The following ATG10 variants were observed in gnomAD, a reference collection of about 807,000 sequenced individuals.
ATG10 encodes the protein ubiquitin-like-conjugating enzyme ATG10.
ATG10 carries 30 observed loss-of-function variants against 32.1 expected under a neutral mutation model. That is an observed-to-expected ratio of 0.94 (90% CI 0.70 to 1.27). The LOEUF (loss-of-function observed/expected upper bound fraction) is 1.27, where lower values mean the gene tolerates loss of function less well. Among genes scored for constraint, ATG10 ranks in the 50% most tolerant of loss-of-function variants. The pLI is 0.00. For missense variants in ATG10, 233 were observed against 262.3 expected (o/e 0.89, Z 0.77); for synonymous variants, 87 against 91.5 (o/e 0.95, Z 0.28).
intron 5 of ATG10, among the ~76,000 whole-genome samples, chr5:82,189,550 C>G (rs1183973769): frequency 1.3e-5 from 2 of 152,182 alleles, no homozygotes; most frequent in African/African-American, 4.8e-5. Flanking sequence ...AAAGTCTTTA[C>G]TGGCAGCTTA....
intron 2 of ATG10, among the ~76,000 whole-genome samples, chr5:82,045,827 T>G (rs1170733145): frequency 6.6e-6 from 1 of 152,090 alleles, no homozygotes; most frequent in African/African-American, 2.4e-5. Flanking sequence ...ACTATGTGAG[T>G]TTGCCGTGTG....
intron 4 of ATG10, among the ~76,000 whole-genome samples, chr5:82,177,179 G>A (rs1353803868): frequency 2.0e-5 from 3 of 152,108 alleles, no homozygotes; most frequent in Admixed American, 6.6e-5. Context: ...ACTAATGTAA[G>A]CCTCAAAAGA....
At chr5:82,020,994 A>G (rs1164634583) in intron 2 of ATG10, among the ~76,000 whole-genome samples, 1 of 152,144 alleles carries the variant, frequency 6.6e-6, no homozygotes, top group South Asian at 2.1e-4. Context: ...ACACCTTACA[A>G]TTGATTTGTA....
At chr5:82,005,847 T>C (rs1333815815) in intron 2 of ATG10, among the ~76,000 whole-genome samples, 1 of 152,204 alleles carries the variant, frequency 6.6e-6, no homozygotes. Context: ...TTATATTTTA[T>C]ACAATTAATA....
chr5:82,029,445 C>T (rs1257956876), intron 2 of ATG10, among the ~76,000 whole-genome samples: 3 of 152,132 alleles, frequency 2.0e-5, no homozygotes, highest in Admixed American at 2.0e-4. Flanking sequence ...GGTTAGAAAA[C>T]ATTGGACTGA....
chr5:82,235,954 G>C (rs916177871), intron 5 of ATG10, among the ~76,000 whole-genome samples: 3 of 152,002 alleles, frequency 2.0e-5, no homozygotes, highest in Non-Finnish European at 4.4e-5. Flanking sequence ...TTAGTAATTG[G>C]CTTGCTTTTT....
chr5:82,071,136 G>A (rs1324639834), intron 3 of ATG10, among the ~76,000 whole-genome samples: 1 of 152,150 alleles, frequency 6.6e-6, no homozygotes, highest in African/African-American at 2.4e-5. Context: ...CAGGAGGGTT[G>A]GAGGTCAACC....
At chr5:82,089,662 A>G (rs1365737005) in intron 3 of ATG10, among the ~76,000 whole-genome samples, 2 of 152,164 alleles carry the variant, frequency 1.3e-5, no homozygotes, top group Non-Finnish European at 2.9e-5. Context: ...AGAGAAAAAA[A>G]TAGAGAACCT....
At chr5:82,089,169 C>T (rs879889321) in intron 3 of ATG10, among the ~76,000 whole-genome samples, 5 of 151,936 alleles carry the variant, frequency 3.3e-5, no homozygotes, top group Non-Finnish European at 2.9e-5. Context: ...ATGGAGAAAC[C>T]CCGTCTCTAC....
intron 2 of ATG10, among the ~76,000 whole-genome samples, chr5:81,993,122 A>G (rs1761508158): frequency 6.6e-6 from 1 of 151,984 alleles, no homozygotes; most frequent in Non-Finnish European, 1.5e-5. Flanking sequence ...TCCAGGTTCA[A>G]ATACCTTCTT....
At chr5:82,123,764 C>CAAAAA (rs1178883742) in intron 3 of ATG10, among the ~76,000 whole-genome samples, 4 of 56,810 alleles carry the variant, frequency 7.0e-5, no homozygotes, top group African/African-American at 1.3e-4. Context: ...ACTGTCTGTA[C>CAAAAA]AAAAAAAAAA....
At chr5:82,118,396 A>ATG (rs1765907447) in intron 3 of ATG10, among the ~76,000 whole-genome samples, 1 of 120,660 alleles carries the variant, frequency 8.3e-6, no homozygotes, top group Non-Finnish European at 1.8e-5. Context: ...ACATATATAT[A>ATG]TATATATATG....
chr5:82,084,276 T>C, intron 3 of ATG10, among the ~76,000 whole-genome samples: 1 of 152,058 alleles, frequency 6.6e-6, no homozygotes, highest in Non-Finnish European at 1.5e-5. Flanking sequence ...AAGAGAAGTT[T>C]AGAGTAAAAA....
chr5:82,099,230 T>C (rs1765176686), intron 3 of ATG10, among the ~76,000 whole-genome samples: 1 of 152,178 alleles, frequency 6.6e-6, no homozygotes, highest in South Asian at 2.1e-4. Context: ...TTGTCCCTAT[T>C]TCATGGTAGC....
chr5:81,995,074 G>T (rs1236854535), intron 2 of ATG10, among the ~76,000 whole-genome samples: 1 of 152,058 alleles, frequency 6.6e-6, no homozygotes, highest in Admixed American at 6.6e-5. Flanking sequence ...ATTTCACCTT[G>T]TTTTTGAGAT....
rs543108255 is a variant in ATG10 at position 82,200,974 on chromosome 5, C to T, written c.453+22387C>T. On this transcript the variant is annotated intron_variant, in intron 5 of 7. Transcript: ENST00000282185. ...GCGTGATCTCACTGCAACCTCTGCT[C>T]CCCGGGCTCAAGCAATTCTCCTGCC... Among the ~76,000 whole-genome samples, 84 of 151,736 alleles carry T rather than the reference C, an allele frequency of 5.5e-4. 1 individual carries two copies. The highest frequency in any genetic ancestry group is 9.3e-4 in the Non-Finnish European group (63 of 67,916).
chr5:82,097,818 G>A (rs1311407851), intron 3 of ATG10, among the ~76,000 whole-genome samples: 1 of 152,202 alleles, frequency 6.6e-6, no homozygotes, highest in African/African-American at 2.4e-5. Flanking sequence ...CAATGTGTCT[G>A]AAAGAAATAA....
chr5:82,056,607 T>C (rs1174307215), intron 2 of ATG10, among the ~76,000 whole-genome samples: 1 of 151,614 alleles, frequency 6.6e-6, no homozygotes, highest in Non-Finnish European at 1.5e-5. Context: ...ATCAGAGATC[T>C]GTGTCTATCC....
chr5:82,038,820 G>A (rs1763006514), intron 2 of ATG10, among the ~76,000 whole-genome samples: 1 of 152,094 alleles, frequency 6.6e-6, no homozygotes, highest in East Asian at 1.9e-4. Flanking sequence ...TTTCAATTAT[G>A]ATGTACTCTC....
Sources: allele counts gnomAD v4.1 joint callset (sites outside exome capture counted in the v4.1 genomes callset), GRCh38; gene constraint gnomAD v4.1.1; transcripts MANE v1.5; gene names NCBI Gene and HGNC (gene_info 2026-07-23, HGNC 2026-07-21).